ABCB1: variants seen among roughly 807,000 people sequenced by gnomAD.
The protein encoded by ABCB1 is ATP-dependent translocase ABCB1.
A neutral mutation model predicts 142.0 loss-of-function variants in ABCB1; 69 were observed. That is an observed-to-expected ratio of 0.49 (90% CI 0.40 to 0.59). ABCB1 has a LOEUF of 0.59. Among genes scored for constraint, ABCB1 ranks in the 20% least tolerant of loss-of-function variants. The pLI is 0.00. For synonymous variants in ABCB1, 532 were observed against 539.2 expected, an observed-to-expected ratio of 0.99 and a Z score of 0.18; for missense variants, 1,326 against 1,554.7, an observed-to-expected ratio of 0.85 and a Z score of 2.47.
Position 87,681,127 on chromosome 7 carries a change from A to G in ABCB1, c.-331+32034T>C, listed in dbSNP as rs185710875. Among the ~76,000 whole-genome samples, 915 of 150,770 alleles carry G rather than the reference A, an allele frequency of 6.1e-3. 87 individuals carry two copies. Among genetic ancestry groups the G allele is most frequent in the Admixed American group, 0.058 (878 of 15,100 alleles). ...ATTTCTTGAAAGACAAATCCTAACA[A>G]AACTCATAAAGAAGTAGATAACACA... On this transcript the variant is annotated intron_variant, in intron 1 of 28. Transcript: ENST00000265724.
Position 87,640,207 on chromosome 7 carries a change from T to C in ABCB1, c.-330-39129A>G, listed in dbSNP as rs1347966902. Among the ~76,000 whole-genome samples, 3 of 149,558 alleles carry C rather than the reference T, an allele frequency of 2.0e-5. No homozygotes were observed. The East Asian group carries it at 5.8e-4, about 29-fold the overall frequency. ...ATATATATGTGTATATATATATATA[T>C]ATTAAATCTTACATTATTTTATTAC... On this transcript the variant is annotated intron_variant, in intron 1 of 28. Transcript: ENST00000265724.
At chr7:87,541,166 A>G (rs1816515901) in intron 18 of ABCB1, among the ~76,000 whole-genome samples, 191 bp downstream of exon 18, 1 of 152,106 alleles carries the variant, frequency 6.6e-6, no homozygotes, top group African/African-American at 2.4e-5. Context: ...AAGGGTGGAG[A>G]GGAGAAGGTA....
chr7:87,627,152 T>G (rs911477426), intron 1 of ABCB1, among the ~76,000 whole-genome samples: 1 of 152,170 alleles, frequency 6.6e-6, no homozygotes, highest in Non-Finnish European at 1.5e-5. Flanking sequence ...TTTTGACTAT[T>G]TTAAATAGAG....
In ABCB1 at chr7:87,592,426, C is replaced by G. The variant is rs181986807; in HGVS notation, c.117+3340G>C. Among the ~76,000 whole-genome samples the G allele has an allele frequency of 3.9e-5, 6 of 152,190 alleles. No homozygotes were observed. In the East Asian group the frequency reaches 7.7e-4, roughly 20 times the overall value. On this transcript the variant is annotated intron_variant, in intron 3 of 27. Transcript: ENST00000622132. Reference sequence around the variant, plus strand: ...GCTCAAGGAGTGATTATCCATATAACCATAAAAGTCACCCAAGTTGGTTGG... The same window carrying G: ...GCTCAAGGAGTGATTATCCATATAAGCATAAAAGTCACCCAAGTTGGTTGG...
chr7:87,536,902 T>C, intron 19 of ABCB1: 1 of 297,996 alleles, frequency 3.4e-6, no homozygotes, highest in Non-Finnish European at 6.4e-6. Flanking sequence ...GGAGGTGCTA[T>C]TTTAGAGACT....
intron 9 of ABCB1, among the ~76,000 whole-genome samples, chr7:87,552,728 A>G (rs1308372799): frequency 3.4e-5 from 5 of 148,986 alleles, no homozygotes; most frequent in Admixed American, 6.7e-5. Context: ...AAAGAAAAAG[A>G]AGTGATTATT....
intron 1 of ABCB1, among the ~76,000 whole-genome samples, chr7:87,709,086 G>T (rs1367415098): frequency 1.3e-5 from 2 of 152,052 alleles, no homozygotes; most frequent in African/African-American, 2.4e-5. Context: ...TTAAAGAAAA[G>T]AAACCATTAA....
chr7:87,703,885 C>CTTT, intron 1 of ABCB1, among the ~76,000 whole-genome samples: 3 of 60,298 alleles, frequency 5.0e-5, no homozygotes, highest in Admixed American at 2.4e-4. Context: ...TCAGTTTTTT[C>CTTT]TTTTTTTTTT....
At chr7:87,544,357 G>A in intron 16 of ABCB1, 82 bp from the exon 17 acceptor site, 1 of 1,346,772 alleles carries the variant, frequency 7.4e-7, no homozygotes, top group Non-Finnish European at 1.1e-6. Flanking sequence ...AATTAGTAAA[G>A]GAATATATCC....
chr7:87,700,469 A>G (rs1187803429), intron 1 of ABCB1: 8 of 1,613,518 alleles, frequency 5.0e-6, no homozygotes, highest in Non-Finnish European at 5.9e-6. Context: ...TTCTGGGACT[A>G]TATCAGAGTG....
At chr7:87,599,313 A>G (rs528211810) in intron 2 of ABCB1, among the ~76,000 whole-genome samples, 2 of 152,194 alleles carry the variant, frequency 1.3e-5, no homozygotes, top group Non-Finnish European at 2.9e-5. Flanking sequence ...TATTTTCCCT[A>G]TATGATTACA....
At chr7:87,542,626 A>G (rs1354730806) in intron 17 of ABCB1, among the ~76,000 whole-genome samples, 1 of 151,356 alleles carries the variant, frequency 6.6e-6, no homozygotes, top group Non-Finnish European at 1.5e-5. Flanking sequence ...AGGTTTTGTT[A>G]CAACCAAACC....
At chr7:87,570,063 A>G (rs903355911) in intron 5 of ABCB1, 109 bp downstream of exon 5, 1 of 952,842 alleles carries the variant, frequency 1.0e-6, no homozygotes, top group Admixed American at 1.8e-5. Context: ...AACTATCAAG[A>G]GTATTGTTCT....
At chr7:87,598,027 C>T (rs1819278748) in intron 2 of ABCB1, among the ~76,000 whole-genome samples, 1 of 152,052 alleles carries the variant, frequency 6.6e-6, no homozygotes, top group Admixed American at 6.5e-5. Flanking sequence ...GAATGTCCCA[C>T]ATCTTGGGTA....
intron 18 of ABCB1, among the ~76,000 whole-genome samples, chr7:87,539,978 T>C (rs1040313578): frequency 6.6e-5 from 10 of 152,218 alleles, no homozygotes; most frequent in Non-Finnish European, 1.3e-4. Context: ...GTGGTATTAA[T>C]AGTTGGTATG....
chr7:87,538,769 T>C lies in ABCB1; in HGVS notation c.2397+499A>G, dbSNP rs76224920. 3.0e-3 allele frequency among the ~76,000 whole-genome samples: 457 copies of C among 152,272 alleles called. 1 individual carries two copies. The highest frequency in any genetic ancestry group is 9.8e-3 in the African/African-American group (408 of 41,546). On this transcript the variant is annotated intron_variant, in intron 19 of 27. Coordinates refer to ENST00000622132, the MANE Select transcript of ABCB1 (RefSeq NM_001348946.2). ...TGTGAGAAGCATTCCATTAAACCCA[T>C]TATCAGCCAGTAACACTGCAGCTTG...
chr7:87,622,615 A>T (rs561856140), intron 1 of ABCB1, among the ~76,000 whole-genome samples: 1 of 152,340 alleles, frequency 6.6e-6, no homozygotes, highest in East Asian at 1.9e-4. Context: ...TGAGTGATAC[A>T]GTTGGTCAGT....
intron 25 of ABCB1, among the ~76,000 whole-genome samples, chr7:87,513,137 CTT>C (rs1815090727): frequency 6.6e-6 from 1 of 152,170 alleles, no homozygotes; most frequent in Non-Finnish European, 1.5e-5. Context: ...AGTCTCGTGT[CTT>C]TAAATTTGGA....
chr7:87,573,235 A>G (rs948109110), intron 4 of ABCB1, among the ~76,000 whole-genome samples: 2 of 152,166 alleles, frequency 1.3e-5, no homozygotes, highest in African/African-American at 4.8e-5. Flanking sequence ...TCCTTTATGC[A>G]GTGGACTGTC....
Sources: allele counts gnomAD v4.1 joint callset (sites outside exome capture counted in the v4.1 genomes callset), GRCh38; gene constraint gnomAD v4.1.1; transcripts MANE v1.5; gene names NCBI Gene and HGNC (gene_info 2026-07-23, HGNC 2026-07-21).